The following NEBL variants were observed in gnomAD, a reference collection of about 807,000 sequenced individuals.
NEBL encodes the protein nebulette.
In NEBL, 122 loss-of-function variants were observed where a neutral mutation model predicts 140.2. The observed-to-expected ratio is 0.87, with a 90% CI of 0.75 to 1.01. The LOEUF (loss-of-function observed/expected upper bound fraction) is 1.01, where lower values mean the gene tolerates loss of function less well. Ranked by LOEUF, NEBL falls within the 50% of genes least tolerant of loss-of-function variation. NEBL has a pLI of 0.00. For synonymous variants in NEBL, 436 were observed against 398.9 expected (o/e 1.09, Z -1.11); for missense variants, 1,365 against 1,231.3 (o/e 1.11, Z -1.62).
intron 19 of NEBL, among the ~76,000 whole-genome samples, chr10:20,819,718 T>C (rs1350772061): frequency 6.6e-6 from 1 of 152,046 alleles, no homozygotes; most frequent in African/African-American, 2.4e-5. Context: ...AGTGGTTTTG[T>C]TGTTGTTGTT....
intron 3 of NEBL, among the ~76,000 whole-genome samples, chr10:20,979,748 C>A (rs191772861): frequency 1.3e-5 from 2 of 152,204 alleles, no homozygotes; most frequent in East Asian, 3.9e-4. Flanking sequence ...ACTCTGTCAC[C>A]TGCGCTGGAA....
chr10:20,952,904 C>CAAAAAA (rs34713711), intron 4 of NEBL, among the ~76,000 whole-genome samples: 89 of 60,772 alleles, frequency 1.5e-3, no homozygotes, highest in African/African-American at 2.4e-3. Context: ...GACCCTGTCT[C>CAAAAAA]AAAAAAAAAA....
At chr10:21,092,955 T>C (rs903846512) in intron 2 of NEBL, among the ~76,000 whole-genome samples, 4 of 152,136 alleles carry the variant, frequency 2.6e-5, no homozygotes, top group African/African-American at 9.7e-5. Context: ...CTAGCCCATA[T>C]GGACAGGATC....
At chr10:21,264,375 G>A (rs1480770106) in intron 1 of NEBL, among the ~76,000 whole-genome samples, 2 of 152,176 alleles carry the variant, frequency 1.3e-5, no homozygotes, top group Non-Finnish European at 2.9e-5. Flanking sequence ...TAGAGAAGAG[G>A]CATTTGCTGG....
chr10:20,871,112 A>G (rs1337306425), intron 5 of NEBL, among the ~76,000 whole-genome samples: 4 of 152,202 alleles, frequency 2.6e-5, no homozygotes, highest in African/African-American at 7.2e-5. Context: ...CTTAAAACCC[A>G]TCTTCCTTTT....
intron 26 of NEBL, among the ~76,000 whole-genome samples, chr10:20,800,672 G>C (rs1016193589): frequency 3.3e-5 from 5 of 151,590 alleles, no homozygotes; most frequent in Admixed American, 3.3e-4. Context: ...CTGCTCTTCT[G>C]CATAAACGAC....
intron 2 of NEBL, among the ~76,000 whole-genome samples, chr10:21,043,617 A>G (rs1173918128): frequency 1.3e-5 from 2 of 152,198 alleles, no homozygotes; most frequent in African/African-American, 4.8e-5. Context: ...TGTACTGAAA[A>G]AGAACTGCAG....
chr10:20,976,242 G>A (rs1324513525), intron 3 of NEBL, among the ~76,000 whole-genome samples: 2 of 151,712 alleles, frequency 1.3e-5, no homozygotes, highest in African/African-American at 4.8e-5. Context: ...TTGGGAGGCT[G>A]AGGCAGGAGA....
intron 2 of NEBL, among the ~76,000 whole-genome samples, chr10:21,152,089 A>G (rs544484723): frequency 3.9e-4 from 60 of 152,202 alleles, no homozygotes; most frequent in Admixed American, 2.2e-3. Context: ...TAAATGAAGG[A>G]GTGAGTGCAT....
chr10:20,858,216 G>C, intron 9 of NEBL, 24 bp downstream of exon 9: 1 of 1,545,624 alleles, frequency 6.5e-7, no homozygotes, highest in Non-Finnish European at 8.9e-7. Flanking sequence ...GGCAACTACG[G>C]TTGCCGCTAG....
At chr10:21,139,710 T>C (rs139864931) in intron 2 of NEBL, among the ~76,000 whole-genome samples, 239 of 152,316 alleles carry the variant, frequency 1.6e-3, no homozygotes, top group Admixed American at 3.9e-3. Flanking sequence ...ACTCCCATTA[T>C]AGACCTGCTT....
Position 20,823,210 on chromosome 10 carries a change from T to C in NEBL, c.1960A>G (p.Asn654Asp). Reference protein sequence around the residue: ...RVKENQKNISNLQYKEQNYKA... With the variant: ...RVKENQKNISDLQYKEQNYKA... The stretch of plus-strand genomic sequence containing the variant: ...AAATACTTAAGAAATATGATCACAT[T>C]GCTGATGTTCTTCTGGTTTTCTTTA... The change falls in exon 19 of 28, where the codon AAT (asparagine) becomes GAT (aspartate). Residue 654 changes from asparagine to aspartate, a missense_variant and splice_region_variant. Physicochemically the swap from Asn to Asp is conservative, Grantham distance 23. Around this residue, in one of 2 missense-constraint regions of NEBL, gnomAD observed 1,323 missense variants for 1,154.8 expected, o/e 1.15. Coordinates refer to ENST00000377122, the MANE Select transcript of NEBL (RefSeq NM_006393.3). 6.3e-7 allele frequency: 1 copy of C among 1,598,202 alleles called. No individual in the cohort carries two copies. Among genetic ancestry groups the C allele is most frequent in the Non-Finnish European group, 8.6e-7 (1 of 1,169,194 alleles).
At chr10:20,808,769 G>A (rs2130762434) in intron 25 of NEBL, 110 bp from the exon 26 acceptor site, 1 of 1,219,012 alleles carries the variant, frequency 8.2e-7, no homozygotes, top group Non-Finnish European at 1.2e-6. Flanking sequence ...TCTTAGTAAA[G>A]AATAACTCAA....
At chr10:21,018,406 C>A (rs933435953) in intron 3 of NEBL, among the ~76,000 whole-genome samples, 63 of 152,244 alleles carry the variant, frequency 4.1e-4, no homozygotes, top group African/African-American at 1.4e-3. Flanking sequence ...GATTCTGGTA[C>A]CCCTGGGGGT....
intron 3 of NEBL, among the ~76,000 whole-genome samples, chr10:21,205,037 C>T (rs1342355833): frequency 6.6e-6 from 1 of 152,210 alleles, no homozygotes; most frequent in African/African-American, 2.4e-5. Flanking sequence ...CAGTCAGAGT[C>T]CATTTCTGTT....
intron 2 of NEBL, among the ~76,000 whole-genome samples, chr10:21,049,292 T>A (rs1048510566): frequency 1.3e-5 from 2 of 152,334 alleles, no homozygotes; most frequent in South Asian, 2.1e-4. Flanking sequence ...AGAGTGTTTC[T>A]CCTATGAGGG....
At chr10:21,114,846 G>T (rs1838207736) in intron 2 of NEBL, among the ~76,000 whole-genome samples, 1 of 150,230 alleles carries the variant, frequency 6.7e-6, no homozygotes, top group African/African-American at 2.5e-5. Flanking sequence ...TTTTAATCCA[G>T]TCTGACAGAG....
intron 4 of NEBL, among the ~76,000 whole-genome samples, chr10:20,884,305 G>A (rs149428942): frequency 4.6e-5 from 7 of 151,964 alleles, no homozygotes; most frequent in African/African-American, 7.2e-5. Flanking sequence ...TTCAACTCCC[G>A]GGCTCAAGAG....
chr10:20,987,210 A>G (rs1837291043), intron 3 of NEBL, among the ~76,000 whole-genome samples: 1 of 151,174 alleles, frequency 6.6e-6, no homozygotes, highest in Non-Finnish European at 1.5e-5. Flanking sequence ...TTCCTAAGAC[A>G]TTCACATATA....
Sources: gnomAD v4.1 joint callset for allele counts (sites outside exome capture counted in the v4.1 genomes callset) on GRCh38, gnomAD v4.1.1 for gene constraint, gnomAD v4.1.1 regional missense constraint, MANE v1.5 for transcripts, NCBI Gene and HGNC (gene_info 2026-07-23, HGNC 2026-07-21) for gene names.